Variants in SUMF1 observed in about 807,000 individuals in gnomAD.
SUMF1 encodes the protein sulfatase modifying factor 1.
In SUMF1, 48 loss-of-function variants were observed where a neutral mutation model predicts 47.6. The observed-to-expected ratio is 1.01, with a 90% CI of 0.80 to 1.28. The LOEUF (loss-of-function observed/expected upper bound fraction) is 1.28, where lower values mean the gene tolerates loss of function less well. Ranked by LOEUF, SUMF1 falls within the 50% of genes most tolerant of loss-of-function variation. The probability of loss-of-function intolerance (pLI) is 0.00; values close to 1 mark genes in which losing one functional copy is unlikely to be tolerated. For missense variants in SUMF1, 571 were observed against 485.4 expected (o/e 1.18, Z -1.66); for synonymous variants, 230 against 192.1 (o/e 1.20, Z -1.63).
At chr3:4,290,221 C>A (rs1559656245) in intron 8 of SUMF1, among the ~76,000 whole-genome samples, 1 of 152,210 alleles carries the variant, frequency 6.6e-6, no homozygotes, top group African/African-American at 2.4e-5. Flanking sequence ...TTCACTCAGT[C>A]ATTTTACAAC....
At chr3:4,309,832 TTTCAGATACAATTATAC>T (rs1262039759) in intron 8 of SUMF1, among the ~76,000 whole-genome samples, 4 of 152,352 alleles carry the variant, frequency 2.6e-5, no homozygotes, top group Non-Finnish European at 5.9e-5. Flanking sequence ...TTACATTAGC[TTTCAGATACAATTATAC>T]TTCAGATACA....
intron 8 of SUMF1, among the ~76,000 whole-genome samples, chr3:4,091,957 A>G (rs1692797194): frequency 6.6e-6 from 1 of 151,938 alleles, no homozygotes; most frequent in African/African-American, 2.4e-5. Flanking sequence ...GACAGCTGCA[A>G]TACATTTAGG....
At chr3:4,332,707 A>G (rs1354150120) in intron 8 of SUMF1, among the ~76,000 whole-genome samples, 1 of 152,176 alleles carries the variant, frequency 6.6e-6, no homozygotes, top group Admixed American at 6.5e-5. Flanking sequence ...TACTGGCTTC[A>G]TGGTGATACA....
At chr3:4,353,504 G>A (rs141809793) in intron 8 of SUMF1, among the ~76,000 whole-genome samples, 1,827 of 152,198 alleles carry the variant, frequency 0.012, 31 homozygotes, top group African/African-American at 0.041. Context: ...CGCCCACCTC[G>A]GCCTCCCAAA....
chr3:4,157,042 T>C (rs1694469148), intron 8 of SUMF1, among the ~76,000 whole-genome samples: 3 of 151,616 alleles, frequency 2.0e-5, no homozygotes, highest in South Asian at 2.1e-4. Flanking sequence ...TATAGGATCA[T>C]TCAGTGTCTG....
chr3:4,412,437 G>A (rs1051201238), intron 6 of SUMF1, among the ~76,000 whole-genome samples: 16 of 152,242 alleles, frequency 1.1e-4, no homozygotes, highest in African/African-American at 3.1e-4. Flanking sequence ...AAAAGAGAAC[G>A]AAGAGGCCAC....
intron 8 of SUMF1, among the ~76,000 whole-genome samples, chr3:4,323,401 T>C (rs1310589928): frequency 6.6e-6 from 1 of 152,178 alleles, no homozygotes; most frequent in Non-Finnish European, 1.5e-5. Flanking sequence ...AGTATAGGGA[T>C]TGACTGCTAA....
intron 8 of SUMF1, among the ~76,000 whole-genome samples, chr3:4,111,186 G>T (rs1574893004): frequency 6.6e-6 from 1 of 151,752 alleles, no homozygotes; most frequent in East Asian, 1.9e-4. Context: ...TCCCACAGTT[G>T]GCCTAGTGGA....
intron 8 of SUMF1, among the ~76,000 whole-genome samples, chr3:4,277,502 AGAACAGAGG>A (rs1431146767): frequency 6.6e-6 from 1 of 152,078 alleles, no homozygotes; most frequent in Admixed American, 6.6e-5. Context: ...CCTAATAAGA[AGAACAGAGG>A]GAACTGGAGG....
intron 8 of SUMF1, among the ~76,000 whole-genome samples, chr3:4,143,826 T>G (rs1694128975): frequency 6.6e-6 from 1 of 152,106 alleles, no homozygotes; most frequent in African/African-American, 2.4e-5. Context: ...TTGCAGCATC[T>G]GGGAGCTAGT....
chr3:4,427,427 G>C (rs1169186316), intron 3 of SUMF1, among the ~76,000 whole-genome samples: 2 of 152,084 alleles, frequency 1.3e-5, no homozygotes, highest in Admixed American at 6.5e-5. Flanking sequence ...GAATTAAATG[G>C]AGTAAAGAGC....
rs541890129 is a variant in SUMF1, at chr3:4,047,652, C to T, written c.1191+20917G>A. Among the ~76,000 whole-genome samples, 6 of 152,234 alleles carry T rather than the reference C, an allele frequency of 3.9e-5. No individual in the cohort carries two copies. In the South Asian group the frequency reaches 1.2e-3, roughly 32 times the overall value. ...TTCCAGCCATACTAAGGAGATGCACCTCATTAGGTACTAAATGTTTAGTGA... is the reference window on the plus strand; with the variant it reads ...TTCCAGCCATACTAAGGAGATGCACTTCATTAGGTACTAAATGTTTAGTGA... On this transcript the variant is annotated intron_variant and NMD_transcript_variant, in intron 9 of 12. Coordinates refer to the SUMF1 transcript ENST00000448413.
At chr3:4,422,296 G>T (rs1284292065) in intron 3 of SUMF1, among the ~76,000 whole-genome samples, 1 of 151,990 alleles carries the variant, frequency 6.6e-6, no homozygotes, top group Admixed American at 6.6e-5. Flanking sequence ...GTTTCAGGAG[G>T]ATCCTCAGAT....
chr3:4,350,349 GTGTGTATAATTGTGTGTGTATAAT>G (rs1349053323), intron 8 of SUMF1, among the ~76,000 whole-genome samples: 1 of 76,440 alleles, frequency 1.3e-5, no homozygotes, highest in Non-Finnish European at 3.0e-5. Context: ...GTGTGTGTGT[GTGTGTATAATTGTGTGTGTATAAT>G]TGTGTGTGTA....
intron 8 of SUMF1, among the ~76,000 whole-genome samples, chr3:4,288,556 T>C (rs1697679930): frequency 6.6e-6 from 1 of 151,984 alleles, no homozygotes. Context: ...ACTCAAAAAT[T>C]AGAAGCTACA....
At chr3:4,308,286 C>CCTA (rs1393128216) in intron 8 of SUMF1, among the ~76,000 whole-genome samples, 1 of 152,114 alleles carries the variant, frequency 6.6e-6, no homozygotes, top group Admixed American at 6.5e-5. Context: ...TCTTCACTAC[C>CCTA]CTACTATGCA....
At chr3:4,221,197 A>T (rs1474392882) in intron 8 of SUMF1, among the ~76,000 whole-genome samples, 2 of 152,162 alleles carry the variant, frequency 1.3e-5, no homozygotes, top group Non-Finnish European at 2.9e-5. Context: ...CTCACCAAGA[A>T]ACATGTGCTG....
chr3:4,339,759 TC>T (rs1031246129), intron 8 of SUMF1, among the ~76,000 whole-genome samples: 24 of 152,194 alleles, frequency 1.6e-4, no homozygotes, highest in African/African-American at 5.1e-4. Context: ...TTTGCACCCA[TC>T]CAAATCACCC....
At chr3:4,091,832 G>C (rs1000630196) in intron 8 of SUMF1, among the ~76,000 whole-genome samples, 1 of 151,440 alleles carries the variant, frequency 6.6e-6, no homozygotes, top group African/African-American at 2.4e-5. Context: ...TCAGAACATA[G>C]TCATTATTCT....
Sources: allele counts gnomAD v4.1 joint callset (sites outside exome capture counted in the v4.1 genomes callset), GRCh38; gene constraint gnomAD v4.1.1; transcripts MANE v1.5; gene names NCBI Gene and HGNC (gene_info 2026-07-23, HGNC 2026-07-21).